Variants in MRPL18 observed in about 807,000 individuals in gnomAD.
MRPL18 encodes the protein mitochondrial ribosomal protein L18.
MRPL18 carries 16 observed loss-of-function variants against 20.9 expected under a neutral mutation model. That is an observed-to-expected ratio of 0.76 (90% CI 0.52 to 1.16). The LOEUF is 1.16. MRPL18 is among the 50% of genes most tolerant of loss of function. The pLI is 0.00. For synonymous variants in MRPL18, 91 were observed against 87.1 expected (o/e 1.04, Z -0.25); for missense variants, 233 against 230.6 (o/e 1.01, Z -0.07).
chr6:159,791,270 G>T (rs1016627897), intron 2 of MRPL18, 144 bp downstream of exon 2: 4 of 869,244 alleles, frequency 4.6e-6, no homozygotes, highest in African/African-American at 3.4e-5. Context: ...ACAACAAATA[G>T]GTGTGATGGG....
At chr6:159,793,824 GTGGCGTGAACC>G (rs1446458521) in intron 2 of MRPL18, among the ~76,000 whole-genome samples, 2 of 151,988 alleles carry the variant, frequency 1.3e-5, no homozygotes, top group Admixed American at 1.3e-4. Context: ...AGACAGGAGA[GTGGCGTGAACC>G]TGGGAGGCGG....
In MRPL18 at chr6:159,797,393, C is replaced by G. The variant is rs746605282; in HGVS notation, c.346C>G (p.Leu116Val). Residue 116 changes from leucine to valine, a missense_variant, in exon 3 of 4, where the codon CTT (leucine) becomes GTT (valine). Leu to Val is a conservative substitution (Grantham distance 32). Transcript: ENST00000367034. ...STREWAIKKH[L>V]YSTRNVVACE... ...TCGTGAGTGGGCTATTAAAAAGCAC[C>G]TTTATAGTACCAGAAATGTGGTGGC... 7 of 1,614,088 alleles carry G rather than the reference C, an allele frequency of 4.3e-6. No individual in the cohort carries two copies. The highest frequency in any genetic ancestry group is 5.9e-6 in the Non-Finnish European group (7 of 1,180,020).
intron 2 of MRPL18, 55 bp downstream of exon 2, chr6:159,791,181 A>G (rs1562488307): frequency 1.3e-6 from 2 of 1,588,898 alleles, no homozygotes; most frequent in Non-Finnish European, 1.7e-6. Context: ...GACTATTTTC[A>G]TTCATTCAAC....
intron 2 of MRPL18, among the ~76,000 whole-genome samples, chr6:159,795,602 A>G (rs182993861): frequency 0.016 from 2,404 of 152,324 alleles, 39 homozygotes; most frequent in Non-Finnish European, 0.024. Context: ...CTCAAGGCAG[A>G]AGAATTTTTC....
At chr6:159,791,246 A>C in intron 2 of MRPL18, 120 bp downstream of exon 2, 1 of 1,189,856 alleles carries the variant, frequency 8.4e-7, no homozygotes, top group Admixed American at 2.4e-5. Context: ...GGGTTCGCGG[A>C]GGGGCTGGAA....
At chr6:159,796,719 G>A (rs1781037683) in intron 2 of MRPL18, among the ~76,000 whole-genome samples, 2 of 152,168 alleles carry the variant, frequency 1.3e-5, no homozygotes, top group African/African-American at 4.8e-5. Flanking sequence ...AGGGGTTTGA[G>A]GCTACAGTGA....
chr6:159,791,435 C>T (rs1463093861), intron 2 of MRPL18, among the ~76,000 whole-genome samples: 1 of 152,140 alleles, frequency 6.6e-6, no homozygotes, highest in Non-Finnish European at 1.5e-5. Context: ...AACTGAAGGG[C>T]TTGTGGATCT....
intron 3 of MRPL18, 62 bp downstream of exon 3, chr6:159,797,580 T>G: frequency 6.8e-7 from 1 of 1,471,612 alleles, no homozygotes; most frequent in African/African-American, 1.4e-5. Flanking sequence ...ATTAGATAAC[T>G]TACATAATAA....
chr6:159,796,128 CTTTTTTTTT>C (rs371374052), intron 2 of MRPL18, among the ~76,000 whole-genome samples: 4 of 116,368 alleles, frequency 3.4e-5, no homozygotes, highest in Non-Finnish European at 5.1e-5. Flanking sequence ...CTTCATTTTA[CTTTTTTTTT>C]TTTTTTTTTT....
At chr6:159,797,956 T>A (rs766423412) in intron 3 of MRPL18, 96 bp from the exon 4 acceptor site, 24 of 1,029,312 alleles carry the variant, frequency 2.3e-5, no homozygotes, top group Non-Finnish European at 3.5e-5. Context: ...CAAGAACAAA[T>A]CAATTTATTT....
chr6:159,793,911 CAA>C (rs200962587), intron 2 of MRPL18, among the ~76,000 whole-genome samples: 6 of 132,214 alleles, frequency 4.5e-5, no homozygotes, highest in Admixed American at 2.3e-4. Flanking sequence ...GACTCCGTCT[CAA>C]AAAAAAAAAA....
At chr6:159,795,756 C>T (rs1489533085) in intron 2 of MRPL18, among the ~76,000 whole-genome samples, 1 of 152,074 alleles carries the variant, frequency 6.6e-6, no homozygotes, top group African/African-American at 2.4e-5. Flanking sequence ...TAAATTAGCT[C>T]TTTGAACAAT....
At chr6:159,791,744 A>C (rs1334494416) in intron 2 of MRPL18, among the ~76,000 whole-genome samples, 2 of 152,176 alleles carry the variant, frequency 1.3e-5, no homozygotes, top group East Asian at 1.9e-4. Flanking sequence ...GTCTCTACTA[A>C]AAATATAAAA....
intron 2 of MRPL18, among the ~76,000 whole-genome samples, chr6:159,792,870 A>G (rs1184873956): frequency 6.6e-6 from 1 of 152,208 alleles, no homozygotes; most frequent in Non-Finnish European, 1.5e-5. Flanking sequence ...GTGGTACAGT[A>G]TCAGCTGGCT....
chr6:159,790,636 C>T lies in MRPL18; in HGVS notation c.49C>T (p.Pro17Ser), dbSNP rs1780852702. The change falls in exon 1 of 4, where the codon CCT becomes TCT. Residue 17 changes from proline (P) to serine (S), a missense_variant. Pro to Ser is a moderately conservative substitution (Grantham distance 74). Coordinates refer to ENST00000367034, the MANE Select transcript of MRPL18 (RefSeq NM_014161.5). Reference sequence around the variant, plus strand: ...GGGGTTGTTCTCGGTTTGCAGGAACCCTGGTAATTAGTCTTGCCCCCCTTC... The same window carrying T: ...GGGGTTGTTCTCGGTTTGCAGGAACTCTGGTAATTAGTCTTGCCCCCCTTC... ...FWGLFSVCRN[P>S]GCRFAALSTS... is the part of the protein sequence containing the mutation. 1.9e-6 allele frequency: 3 copies of T among 1,614,016 alleles called. No individual in the cohort carries two copies. The highest frequency in any genetic ancestry group is 2.2e-5 in the East Asian group (1 of 44,866).
At chr6:159,794,618 G>C (rs529678239) in intron 2 of MRPL18, among the ~76,000 whole-genome samples, 8 of 152,102 alleles carry the variant, frequency 5.3e-5, no homozygotes, top group African/African-American at 1.9e-4. Context: ...GTGTTGCATC[G>C]AATTGTCTTG....
intron 3 of MRPL18, 128 bp from the exon 4 acceptor site, chr6:159,797,924 C>T (rs1348980791): frequency 2.7e-6 from 2 of 732,560 alleles, no homozygotes; most frequent in Non-Finnish European, 4.4e-6. Flanking sequence ...TTCTGAAAAA[C>T]CGTTGTAGGC....
At position 159,790,928 on chromosome 6, in the gene MRPL18, C is replaced by G; in HGVS notation, c.53-12C>G. 6.2e-7 allele frequency: 1 copy of G among 1,613,520 alleles called. No homozygotes were observed. The highest frequency in any genetic ancestry group is 1.3e-5 in the African/African-American group (1 of 74,988). On this transcript the variant is annotated splice_polypyrimidine_tract_variant and intron_variant, in intron 1 of 3. Transcript: ENST00000367034. The stretch of plus-strand genomic sequence containing the variant: ...CATTTTTAAGCCCTGTGCGGTTTTT[C>G]CCGTTGCCCAGGGTGCAGGTTCGCA...
At chr6:159,792,555 A>G (rs1780927801) in intron 2 of MRPL18, among the ~76,000 whole-genome samples, 1 of 152,340 alleles carries the variant, frequency 6.6e-6, no homozygotes, top group South Asian at 2.1e-4. Context: ...GAGGGAGTCC[A>G]AGAAAGGGAG....
Sources: gnomAD v4.1 joint callset for allele counts (sites outside exome capture counted in the v4.1 genomes callset) on GRCh38, gnomAD v4.1.1 for gene constraint, MANE v1.5 for transcripts, NCBI Gene and HGNC (gene_info 2026-07-23, HGNC 2026-07-21) for gene names.